The following NUBPL variants were observed in gnomAD, a reference collection of about 807,000 sequenced individuals.
The protein encoded by NUBPL is iron-sulfur cluster transfer protein NUBPL.
In NUBPL, 31 loss-of-function variants were observed where a neutral mutation model predicts 45.7. The observed-to-expected ratio is 0.68, with a 90% CI of 0.51 to 0.92. The LOEUF is 0.92. Among genes scored for constraint, NUBPL ranks in the 40% least tolerant of loss-of-function variants. The probability of loss-of-function intolerance (pLI) is 0.00; values close to 1 mark genes in which losing one functional copy is unlikely to be tolerated. For synonymous variants in NUBPL, 144 were observed against 140.9 expected (o/e 1.02, Z -0.15); for missense variants, 401 against 398.7 (o/e 1.01, Z -0.05).
chr14:31,569,950 A>C (rs772339800), intron 3 of NUBPL, among the ~76,000 whole-genome samples: 53 of 152,178 alleles, frequency 3.5e-4, no homozygotes, highest in Non-Finnish European at 7.5e-4. Context: ...AATTTGATGC[A>C]CAGTTTGGAA....
chr14:31,757,407 A>G (rs1316711450), intron 6 of NUBPL, among the ~76,000 whole-genome samples: 5 of 151,578 alleles, frequency 3.3e-5, no homozygotes, highest in Non-Finnish European at 7.4e-5. Context: ...CAGAGATTCA[A>G]CTTCTTCCTG....
intron 3 of NUBPL, among the ~76,000 whole-genome samples, chr14:31,588,216 G>C (rs111965274): frequency 0.011 from 1,617 of 152,194 alleles, 23 homozygotes; most frequent in African/African-American, 0.037. Flanking sequence ...TTTCTTCATT[G>C]GGGGTTATTG....
intron 6 of NUBPL, among the ~76,000 whole-genome samples, chr14:31,781,143 T>C (rs2039184908): frequency 6.6e-6 from 1 of 152,230 alleles, no homozygotes; most frequent in Non-Finnish European, 1.5e-5. Flanking sequence ...AAGTACTTCC[T>C]TCAACAGAAT....
chr14:31,650,078 C>G (rs1317480540), intron 4 of NUBPL, among the ~76,000 whole-genome samples: 1 of 152,022 alleles, frequency 6.6e-6, no homozygotes, highest in East Asian at 1.9e-4. Flanking sequence ...AGGCTGGTCA[C>G]AAACTCCCGA....
At chr14:31,666,228 G>GATATAT (rs1220296192) in intron 4 of NUBPL, among the ~76,000 whole-genome samples, 13 of 26,688 alleles carry the variant, frequency 4.9e-4, no homozygotes, top group African/African-American at 1.3e-3. Context: ...TTATATTTAA[G>GATATAT]ATATATATAT....
intron 6 of NUBPL, among the ~76,000 whole-genome samples, chr14:31,717,119 C>T (rs1014246922): frequency 1.2e-4 from 18 of 152,260 alleles, no homozygotes; most frequent in African/African-American, 4.3e-4. Flanking sequence ...CAAAATCTAA[C>T]CTAGGAAAAA....
intron 6 of NUBPL, among the ~76,000 whole-genome samples, chr14:31,763,761 T>C (rs1472780352): frequency 6.6e-6 from 1 of 152,202 alleles, no homozygotes; most frequent in African/African-American, 2.4e-5. Context: ...AACATTAAAT[T>C]ATGCCTGTTT....
chr14:31,782,769 G>C (rs1452624487), intron 6 of NUBPL, among the ~76,000 whole-genome samples: 2 of 150,882 alleles, frequency 1.3e-5, no homozygotes, highest in South Asian at 4.3e-4. Flanking sequence ...CTGGGCGACA[G>C]AGTGAGACTC....
At chr14:31,578,905 G>C (rs2033789907) in intron 3 of NUBPL, among the ~76,000 whole-genome samples, 1 of 152,166 alleles carries the variant, frequency 6.6e-6, no homozygotes, top group Non-Finnish European at 1.5e-5. Context: ...TTTTATTACT[G>C]TCAGGACAAA....
chr14:31,726,208 T>C (rs1233687258), intron 6 of NUBPL, among the ~76,000 whole-genome samples: 1 of 152,186 alleles, frequency 6.6e-6, no homozygotes, highest in Non-Finnish European at 1.5e-5. Flanking sequence ...TTGTACTCCT[T>C]TCCTTCCAGT....
chr14:31,661,975 A>G (rs1019566189), intron 4 of NUBPL: 4 of 152,184 alleles, frequency 2.6e-5, no homozygotes, highest in East Asian at 1.9e-4. Context: ...ACAAAGTTCT[A>G]TCTTTTCTAA....
At chr14:31,673,256 A>G in intron 4 of NUBPL, 99 bp from the exon 5 acceptor site, 1 of 1,008,004 alleles carries the variant, frequency 9.9e-7, no homozygotes, top group Non-Finnish European at 1.5e-6. Flanking sequence ...ATTTTTGTTA[A>G]TTAAAAAAAT....
At chr14:31,855,089 C>CCCTAA (rs1300062991) in intron 10 of NUBPL, among the ~76,000 whole-genome samples, 1 of 92,452 alleles carries the variant, frequency 1.1e-5, no homozygotes, top group African/African-American at 7.9e-5. Flanking sequence ...AGGTTTATGT[C>CCCTAA]TCTAATGTAG....
chr14:31,692,207 A>C (rs776066989), intron 6 of NUBPL, among the ~76,000 whole-genome samples: 7 of 152,188 alleles, frequency 4.6e-5, no homozygotes, highest in African/African-American at 9.6e-5. Context: ...GTAAACATCT[A>C]ATACATTTCA....
chr14:31,791,146 C>T (rs974080237), intron 7 of NUBPL, among the ~76,000 whole-genome samples: 15 of 151,836 alleles, frequency 9.9e-5, no homozygotes, highest in African/African-American at 3.1e-4. Context: ...GGAGTGGTGA[C>T]GTGCACTTGT....
intron 6 of NUBPL, among the ~76,000 whole-genome samples, chr14:31,680,707 A>G (rs889250833): frequency 6.6e-5 from 10 of 152,218 alleles, no homozygotes; most frequent in East Asian, 1.9e-4. Context: ...TTCGCATACA[A>G]TCTACACTCA....
chr14:31,585,949 A>G (rs1389743861), intron 3 of NUBPL, among the ~76,000 whole-genome samples: 1 of 152,216 alleles, frequency 6.6e-6, no homozygotes, highest in Non-Finnish European at 1.5e-5. Flanking sequence ...CATTATCTTT[A>G]TGATTCTCAT....
chr14:31,844,611 T>TA (rs1378442660), intron 8 of NUBPL: 1 of 151,506 alleles, frequency 6.6e-6, no homozygotes, highest in Non-Finnish European at 1.5e-5. Flanking sequence ...GGGGCAACTT[T>TA]AGTTTTTTCT....
chr14:31,743,191 G>A (rs575630323), intron 6 of NUBPL, among the ~76,000 whole-genome samples: 3 of 152,112 alleles, frequency 2.0e-5, no homozygotes, highest in African/African-American at 7.2e-5. Flanking sequence ...CACCTCCACC[G>A]TTTAAATGTC....
Sources: gnomAD v4.1 joint callset for allele counts (sites outside exome capture counted in the v4.1 genomes callset) on GRCh38, gnomAD v4.1.1 for gene constraint, MANE v1.5 for transcripts, NCBI Gene and HGNC (gene_info 2026-07-23, HGNC 2026-07-21) for gene names.